Variants in PRKN observed in about 807,000 individuals in gnomAD.
PRKN encodes the protein parkin RBR E3 ubiquitin protein ligase.
In PRKN, 56 loss-of-function variants were observed where a neutral mutation model predicts 59.5. That is an observed-to-expected ratio of 0.94 (90% CI 0.76 to 1.18). The LOEUF (loss-of-function observed/expected upper bound fraction) is 1.18, where lower values mean the gene tolerates loss of function less well. PRKN is among the 50% of genes most tolerant of loss of function. The pLI is 0.00. For synonymous variants in PRKN, 250 were observed against 222.1 expected (o/e 1.13, Z -1.12); for missense variants, 657 against 596.4 (o/e 1.10, Z -1.06).
chr6:162,396,214 T>C (rs1312028777), intron 2 of PRKN, among the ~76,000 whole-genome samples: 1 of 151,908 alleles, frequency 6.6e-6, no homozygotes, highest in African/African-American at 2.4e-5. Context: ...ATTGTAGGAG[T>C]TTTAGAATGT....
At chr6:162,075,439 AC>A (rs760062682) in intron 4 of PRKN, among the ~76,000 whole-genome samples, 20 of 151,788 alleles carry the variant, frequency 1.3e-4, no homozygotes, top group Non-Finnish European at 2.6e-4. Flanking sequence ...CTAACTCCCC[AC>A]ATAAAACTTA....
At chr6:162,168,582 A>AT (rs1322023297) in intron 4 of PRKN, among the ~76,000 whole-genome samples, 6 of 148,244 alleles carry the variant, frequency 4.0e-5, no homozygotes, top group Admixed American at 4.0e-4. Context: ...AAAAAAAAAA[A>AT]TCAAAGCAGC....
chr6:161,534,873 G>A (rs1486911634), intron 9 of PRKN, among the ~76,000 whole-genome samples: 1 of 152,206 alleles, frequency 6.6e-6, no homozygotes, highest in Non-Finnish European at 1.5e-5. Flanking sequence ...GTACAGCTTA[G>A]TTGCTAAAAA....
chr6:162,236,339 C>T (rs1311119166), intron 3 of PRKN, among the ~76,000 whole-genome samples: 2 of 152,206 alleles, frequency 1.3e-5, no homozygotes, highest in Non-Finnish European at 2.9e-5. Context: ...TCTCTATCCT[C>T]AGAACCCTGA....
rs1205885575 is a variant in PRKN, at chr6:161,498,923, G to A, written c.1083+49931C>T. Among the ~76,000 whole-genome samples, 5 of 151,996 alleles carry A rather than the reference G, an allele frequency of 3.3e-5. No homozygotes were observed. The highest frequency in any genetic ancestry group is 9.7e-5 in the African/African-American group (4 of 41,300). On this transcript the variant is annotated intron_variant, in intron 9 of 11. Transcript: ENST00000366898. The surrounding 1 kb of genome is among the most constrained non-coding windows in gnomAD (Gnocchi z 4.2). The stretch of plus-strand genomic sequence containing the variant: ...GATGGTCATGTTGAAGAGTGAGATG[G>A]GGTGAGTGTGTGTGTATGGGGATGG...
intron 3 of PRKN, among the ~76,000 whole-genome samples, chr6:162,260,170 T>C (rs946178359): frequency 6.6e-6 from 1 of 152,064 alleles, no homozygotes; most frequent in East Asian, 1.9e-4. Flanking sequence ...AACTGCACCA[T>C]GTAGAGTTGC....
intron 7 of PRKN, among the ~76,000 whole-genome samples, chr6:161,656,012 T>G (rs1169919813): frequency 1.3e-5 from 2 of 152,180 alleles, no homozygotes; most frequent in Non-Finnish European, 2.9e-5. Context: ...GCTTCCAGAA[T>G]AAACCACGTT....
chr6:162,552,367 T>A (rs1424107078), intron 1 of PRKN, among the ~76,000 whole-genome samples: 3 of 152,060 alleles, frequency 2.0e-5, no homozygotes, highest in Non-Finnish European at 1.5e-5. Flanking sequence ...TATGAGCGGG[T>A]GGCGAGAGAC....
chr6:162,327,991 G>A (rs371947217), intron 2 of PRKN, among the ~76,000 whole-genome samples: 7 of 152,228 alleles, frequency 4.6e-5, no homozygotes, highest in African/African-American at 9.6e-5. Context: ...GGGCATTTAC[G>A]TGGGCAGGGC....
chr6:162,114,195 C>A (rs1038424093), intron 4 of PRKN, among the ~76,000 whole-genome samples: 1 of 152,068 alleles, frequency 6.6e-6, no homozygotes, highest in Non-Finnish European at 1.5e-5. Flanking sequence ...CTTGGCGATG[C>A]GGGCTCTTTT....
chr6:162,638,201 TA>T (rs1777812056), intron 1 of PRKN, among the ~76,000 whole-genome samples: 1 of 91,682 alleles, frequency 1.1e-5, no homozygotes, highest in African/African-American at 6.0e-5. Context: ...ACAATAATAT[TA>T]TCCCTATGTT....
intron 10 of PRKN, among the ~76,000 whole-genome samples, chr6:161,374,408 ATG>A (rs1363201521): frequency 7.1e-6 from 1 of 140,238 alleles, no homozygotes. Flanking sequence ...GTGTATGTTT[ATG>A]TGTGTGTGGT....
At chr6:162,162,786 G>C (rs1782813780) in intron 4 of PRKN, among the ~76,000 whole-genome samples, 1 of 149,812 alleles carries the variant, frequency 6.7e-6, no homozygotes, top group Non-Finnish European at 1.5e-5. Context: ...GAGGCAGGCG[G>C]ATCACAAGGT....
At chr6:161,751,454 T>C (rs1788690545) in intron 7 of PRKN, among the ~76,000 whole-genome samples, 1 of 152,248 alleles carries the variant, frequency 6.6e-6, no homozygotes, top group South Asian at 2.1e-4. Context: ...AAATCTGTAC[T>C]ACATTACACA....
chr6:161,607,297 T>A (rs1782318745), intron 7 of PRKN, among the ~76,000 whole-genome samples: 1 of 151,982 alleles, frequency 6.6e-6, no homozygotes, highest in Non-Finnish European at 1.5e-5. Flanking sequence ...AAAATGCTTT[T>A]AAAAAAAGTA....
chr6:162,226,298 AC>A (rs1169645640), intron 3 of PRKN, among the ~76,000 whole-genome samples: 1 of 152,072 alleles, frequency 6.6e-6, no homozygotes, highest in Non-Finnish European at 1.5e-5. Context: ...ACACGCAGGC[AC>A]CAGAAAGGAG....
chr6:162,322,962 A>C (rs2128122268), intron 2 of PRKN, among the ~76,000 whole-genome samples: 1 of 151,446 alleles, frequency 6.6e-6, no homozygotes, highest in East Asian at 2.0e-4. Context: ...TCAGTAAACT[A>C]TCACAAGAAT....
chr6:161,415,629 C>T (rs903994346), intron 9 of PRKN, among the ~76,000 whole-genome samples: 1 of 147,150 alleles, frequency 6.8e-6, no homozygotes, highest in Admixed American at 6.8e-5. Context: ...AGCCCCCGAC[C>T]GCCCGGAACT....
chr6:162,013,562 C>T (rs1432930227), intron 5 of PRKN, among the ~76,000 whole-genome samples: 1 of 152,106 alleles, frequency 6.6e-6, no homozygotes, highest in South Asian at 2.1e-4. Context: ...GTGTGTTATA[C>T]ACAAAAATAT....
Sources: allele counts gnomAD v4.1 joint callset (sites outside exome capture counted in the v4.1 genomes callset), GRCh38; gene constraint gnomAD v4.1.1; non-coding constraint Gnocchi (gnomAD v3.1); transcripts MANE v1.5; gene names NCBI Gene and HGNC (gene_info 2026-07-23, HGNC 2026-07-21).